TXNRD1: variants seen among roughly 807,000 people sequenced by gnomAD.
The protein encoded by TXNRD1 is thioredoxin reductase 1, cytoplasmic.
TXNRD1 carries 57 observed loss-of-function variants against 80.3 expected under a neutral mutation model. The ratio of observed to expected loss-of-function variants is 0.71; its 90% CI spans 0.57 to 0.89. The LOEUF (loss-of-function observed/expected upper bound fraction) is 0.89, where lower values mean the gene tolerates loss of function less well. TXNRD1 is among the 40% of genes least tolerant of loss of function. The pLI is 0.00. For synonymous variants in TXNRD1, 291 were observed against 285.2 expected (o/e 1.02, Z -0.20); for missense variants, 730 against 803.0 (o/e 0.91, Z 1.10).
At chr12:104,323,786 G>A (rs1318842069) in intron 10 of TXNRD1, among the ~76,000 whole-genome samples, 2 of 141,716 alleles carry the variant, frequency 1.4e-5, no homozygotes, top group Non-Finnish European at 1.6e-5. Context: ...CCCGGACGGG[G>A]CGGCTGGCCG....
chr12:104,291,570 G>A (rs187345992), intron 4 of TXNRD1, among the ~76,000 whole-genome samples: 204 of 137,532 alleles, frequency 1.5e-3, no homozygotes, highest in Non-Finnish European at 2.3e-3. Context: ...TGCAACCTCT[G>A]CCCCTCGGGT....
chr12:104,245,861 G>C (rs2032973936), intron 1 of TXNRD1, among the ~76,000 whole-genome samples: 1 of 152,224 alleles, frequency 6.6e-6, no homozygotes, highest in East Asian at 1.9e-4. Flanking sequence ...TGTAATCCCA[G>C]CACTTTGGGA....
At chr12:104,338,697 CA>C (rs879386846) in intron 15 of TXNRD1, among the ~76,000 whole-genome samples, 445 of 129,480 alleles carry the variant, frequency 3.4e-3, no homozygotes, top group Admixed American at 3.0e-3. Flanking sequence ...TACTCCATCT[CA>C]AAAAAAAAAA....
chr12:104,287,566 T>C, intron 3 of TXNRD1: 2 of 1,497,576 alleles, frequency 1.3e-6, no homozygotes, highest in South Asian at 2.4e-5. Context: ...TCACACCATT[T>C]AATCCTCAGA....
chr12:104,306,923 C>G (rs2034940031), intron 4 of TXNRD1, among the ~76,000 whole-genome samples: 1 of 152,110 alleles, frequency 6.6e-6, no homozygotes, highest in Non-Finnish European at 1.5e-5. Flanking sequence ...CATTCAGTTG[C>G]TCTGTTGAAT....
intron 16 of TXNRD1, among the ~76,000 whole-genome samples, 173 bp from the exon 17 acceptor site, chr12:104,348,180 C>T (rs11112003): frequency 0.24 from 36,016 of 151,934 alleles, 4,456 homozygotes; most frequent in Middle Eastern, 0.3. Context: ...AATGTCTTCC[C>T]CCTTTTATTC....
At chr12:104,231,406 G>A (rs1021952085) in intron 1 of TXNRD1, among the ~76,000 whole-genome samples, 10 of 152,170 alleles carry the variant, frequency 6.6e-5, no homozygotes, top group African/African-American at 2.2e-4. Context: ...GCTTCTAGGC[G>A]AGAGGAAACA....
intron 16 of TXNRD1, among the ~76,000 whole-genome samples, chr12:104,340,078 C>A (rs1039686179): frequency 2.6e-5 from 4 of 152,152 alleles, no homozygotes; most frequent in African/African-American, 9.7e-5. Flanking sequence ...AGCTTTAAGA[C>A]CTGGAAAAAC....
intron 1 of TXNRD1, among the ~76,000 whole-genome samples, chr12:104,249,477 T>G (rs2033064458): frequency 6.7e-6 from 1 of 148,486 alleles, no homozygotes; most frequent in African/African-American, 2.5e-5. Context: ...TAACATTTGA[T>G]TGTCTGGTAT....
At chr12:104,336,397 C>G (rs534522892) in intron 15 of TXNRD1, among the ~76,000 whole-genome samples, 2 of 152,264 alleles carry the variant, frequency 1.3e-5, no homozygotes, top group Admixed American at 1.3e-4. Context: ...TGTTACTGCT[C>G]TTTTGTCATG....
At chr12:104,283,417 A>G (rs999950053) in intron 3 of TXNRD1, among the ~76,000 whole-genome samples, 1 of 151,776 alleles carries the variant, frequency 6.6e-6, no homozygotes, top group African/African-American at 2.4e-5. Flanking sequence ...ATGCCCAGCT[A>G]ATTTTTGTAT....
At chr12:104,223,105 T>A (rs562932236) in intron 1 of TXNRD1, among the ~76,000 whole-genome samples, 71 of 152,326 alleles carry the variant, frequency 4.7e-4, no homozygotes, top group Non-Finnish European at 6.9e-4. Flanking sequence ...TTGTGGATAT[T>A]ACAGTGTAGC....
intron 1 of TXNRD1, chr12:104,224,699 T>C (rs1397669944): frequency 8.0e-6 from 3 of 376,608 alleles, no homozygotes; most frequent in Non-Finnish European, 1.6e-5. Context: ...TTGTTTAGAG[T>C]TGAATTTCCT....
At chr12:104,246,030 G>T (rs77532825) in intron 1 of TXNRD1, among the ~76,000 whole-genome samples, 1 of 144,542 alleles carries the variant, frequency 6.9e-6, no homozygotes, top group South Asian at 2.3e-4. Flanking sequence ...GGAGAATGGC[G>T]TGAACTCGGG....
chr12:104,315,716 C>G, intron 6 of TXNRD1, 61 bp from the exon 7 acceptor site: 1 of 1,542,058 alleles, frequency 6.5e-7, no homozygotes, highest in Non-Finnish European at 8.8e-7. Flanking sequence ...TGACTTTGTT[C>G]TTTGAATGTT....
At chr12:104,317,919 C>T (rs2035386360) in intron 7 of TXNRD1, among the ~76,000 whole-genome samples, 1 of 152,184 alleles carries the variant, frequency 6.6e-6, no homozygotes, top group South Asian at 2.1e-4. Flanking sequence ...GTCGGCAGAG[C>T]ACTTGAGGTC....
At chr12:104,309,575 G>T (rs1218753604) in intron 4 of TXNRD1, among the ~76,000 whole-genome samples, 1 of 152,162 alleles carries the variant, frequency 6.6e-6, no homozygotes, top group Non-Finnish European at 1.5e-5. Context: ...GATAAAATGA[G>T]GTTGAGATAA....
chr12:104,334,285 G>T lies in TXNRD1; in HGVS notation c.1699G>T (p.Asp567Tyr). 6.5e-7 allele frequency: 1 copy of T among 1,539,270 alleles called. No individual in the cohort carries two copies. The highest frequency in any genetic ancestry group is 1.4e-5 in the African/African-American group (1 of 72,844). Residue 567 changes from aspartate (D) to tyrosine (Y), a missense_variant, in exon 15 of 17, where the codon GAT (aspartate) becomes TAT (tyrosine). By Grantham distance (160) the Asp-to-Tyr change is radical. Transcript: ENST00000525566. Reference sequence around the variant, plus strand: ...ATTGGAATGGACGATTCCGTCAAGAGATAACAACAAATGTTATGCAAAAAT... The same window carrying T: ...ATTGGAATGGACGATTCCGTCAAGATATAACAACAAATGTTATGCAAAAAT... ...WPLEWTIPSR[D>Y]NNKCYAKIIC... is the part of the protein sequence containing the mutation.
intron 4 of TXNRD1, among the ~76,000 whole-genome samples, chr12:104,302,069 C>T (rs1272607160): frequency 6.6e-6 from 1 of 152,152 alleles, no homozygotes; most frequent in African/African-American, 2.4e-5. Context: ...TAAAACGCAG[C>T]TTTTGTTTTT....
Sources: allele counts gnomAD v4.1 joint callset (sites outside exome capture counted in the v4.1 genomes callset), GRCh38; gene constraint gnomAD v4.1.1; transcripts MANE v1.5; gene names NCBI Gene and HGNC (gene_info 2026-07-23, HGNC 2026-07-21).